The following RIMBP2 variants were observed in gnomAD, a reference collection of about 807,000 sequenced individuals.
RIMBP2 encodes the protein RIMS-binding protein 2.
A neutral mutation model predicts 118.6 loss-of-function variants in RIMBP2; 48 were observed. That is an observed-to-expected ratio of 0.40 (90% CI 0.32 to 0.51). The LOEUF (loss-of-function observed/expected upper bound fraction) is 0.51. Ranked by LOEUF, RIMBP2 falls within the 20% of genes least tolerant of loss-of-function variation. The pLI is 0.41. For synonymous variants in RIMBP2, 762 were observed against 742.9 expected (o/e 1.03, Z -0.42); for missense variants, 1,551 against 1,768.3 (o/e 0.88, Z 2.20).
intron 1 of RIMBP2, among the ~76,000 whole-genome samples, chr12:130,684,562 G>C (rs2136587680): frequency 6.6e-6 from 1 of 152,272 alleles, no homozygotes; most frequent in East Asian, 1.9e-4. Context: ...GGTGTTTCCA[G>C]GCTGTAGATG....
chr12:130,593,929 C>T (rs891143493), intron 2 of RIMBP2, among the ~76,000 whole-genome samples: 2 of 152,332 alleles, frequency 1.3e-5, no homozygotes, highest in African/African-American at 2.4e-5. Flanking sequence ...ATGAGGTTCT[C>T]TTCTGGTGGT....
chr12:130,405,743 T>G (rs60237531), intron 21 of RIMBP2, among the ~76,000 whole-genome samples: 14,860 of 148,646 alleles, frequency 0.1, 1,030 homozygotes, highest in African/African-American at 0.19. Context: ...AAGGGAGAAG[T>G]CCTAAAATCT....
At chr12:130,552,081 C>CATCT (rs766292519) in intron 2 of RIMBP2, among the ~76,000 whole-genome samples, 15 of 152,234 alleles carry the variant, frequency 9.9e-5, no homozygotes, top group Non-Finnish European at 1.5e-4. Flanking sequence ...ACTGCTTTAA[C>CATCT]ATCTATAAGA....
chr12:130,651,866 T>G (rs2136277904), intron 1 of RIMBP2, among the ~76,000 whole-genome samples: 1 of 151,278 alleles, frequency 6.6e-6, no homozygotes, highest in South Asian at 2.1e-4. Flanking sequence ...ATTATAGCTT[T>G]TGGAAAGCTT....
In RIMBP2 at chr12:130,648,086, G is replaced by C. The variant is rs149514497; in HGVS notation, c.-351-19630C>G. Among the ~76,000 whole-genome samples, 98 of 130,670 alleles carry C rather than the reference G, an allele frequency of 7.5e-4. 8 individuals are homozygous for C. Among genetic ancestry groups the C allele is most frequent in the African/African-American group, 2.4e-3 (96 of 39,866 alleles). 85.7% of individuals were successfully genotyped at this position (130,670 alleles called of 152,430 possible). A position where few individuals can be genotyped will look rare whatever the true frequency, so the allele number is the denominator to read the frequency against. ...AGCCAAAGGGCATGTCAGGAGTCAC[G>C]CGCTGATCATCACCGAGCAGATACA... is the stretch of plus-strand genomic sequence containing the variant. On this transcript the variant is annotated intron_variant, in intron 1 of 22. Transcript: ENST00000690449.
intron 1 of RIMBP2, among the ~76,000 whole-genome samples, chr12:130,696,092 G>A (rs2065559266): frequency 6.6e-6 from 1 of 152,204 alleles, no homozygotes; most frequent in African/African-American, 2.4e-5. Context: ...TCCAGGAGCT[G>A]CAGAAGGTAC....
At chr12:130,572,300 C>T (rs923532739) in intron 2 of RIMBP2, among the ~76,000 whole-genome samples, 7 of 152,198 alleles carry the variant, frequency 4.6e-5, no homozygotes, top group Non-Finnish European at 8.8e-5. Flanking sequence ...CCTTTGAAGA[C>T]CCAGGCGCTC....
At chr12:130,594,986 C>T (rs181703444) in intron 2 of RIMBP2, among the ~76,000 whole-genome samples, 62 of 152,336 alleles carry the variant, frequency 4.1e-4, no homozygotes, top group African/African-American at 1.5e-3. Flanking sequence ...TAAACTTCTA[C>T]ACCCTATCAG....
At chr12:130,535,069 C>A (rs1044626598) in intron 2 of RIMBP2, among the ~76,000 whole-genome samples, 2 of 152,214 alleles carry the variant, frequency 1.3e-5, no homozygotes, top group African/African-American at 2.4e-5. Context: ...AGCAAGCTCA[C>A]GTCAGACCTT....
At chr12:130,696,588 C>T (rs998419627) in intron 1 of RIMBP2, among the ~76,000 whole-genome samples, 2 of 152,176 alleles carry the variant, frequency 1.3e-5, no homozygotes, top group African/African-American at 4.8e-5. Flanking sequence ...CATTTTGAGC[C>T]AGAGGTTCAC....
At chr12:130,618,862 G>A (rs1305136669) in intron 2 of RIMBP2, among the ~76,000 whole-genome samples, 1 of 152,204 alleles carries the variant, frequency 6.6e-6, no homozygotes, top group East Asian at 1.9e-4. Context: ...AATAGTGCAA[G>A]CCTCAGCCCA....
chr12:130,510,612 G>A (rs905154746), intron 3 of RIMBP2, among the ~76,000 whole-genome samples: 1 of 152,080 alleles, frequency 6.6e-6, no homozygotes, highest in Non-Finnish European at 1.5e-5. Context: ...GGGGTTACAG[G>A]TGCACACCAC....
intron 2 of RIMBP2, among the ~76,000 whole-genome samples, chr12:130,524,041 C>T (rs1165156039): frequency 1.3e-5 from 2 of 152,140 alleles, no homozygotes; most frequent in Admixed American, 6.5e-5. Flanking sequence ...CAGCAAGATG[C>T]TTCCTCGCAG....
intron 2 of RIMBP2, among the ~76,000 whole-genome samples, chr12:130,580,028 CAAAAAAAAA>C (rs55653381): frequency 1.7e-5 from 2 of 116,498 alleles, no homozygotes; most frequent in South Asian, 3.0e-4. Context: ...ACCAAAAATA[CAAAAAAAAA>C]AAAAAAAAAA....
intron 10 of RIMBP2, among the ~76,000 whole-genome samples, chr12:130,443,089 G>T (rs1431806258): frequency 6.6e-6 from 1 of 152,102 alleles, no homozygotes; most frequent in East Asian, 1.9e-4. Context: ...TGGAGATTAA[G>T]AAAATAAACA....
chr12:130,512,612 C>A (rs10848123), intron 3 of RIMBP2, among the ~76,000 whole-genome samples: 1 of 151,954 alleles, frequency 6.6e-6, no homozygotes, highest in African/African-American at 2.4e-5. Flanking sequence ...CGTGAGCCAC[C>A]GCACCCGGCC....
chr12:130,708,213 T>C (rs919813508), intron 1 of RIMBP2, among the ~76,000 whole-genome samples: 1 of 152,280 alleles, frequency 6.6e-6, no homozygotes, highest in African/African-American at 2.4e-5. Context: ...AGATTCGCAG[T>C]TGCCAGGGCT....
At chr12:130,532,174 G>A (rs2053480513) in intron 2 of RIMBP2, among the ~76,000 whole-genome samples, 1 of 148,670 alleles carries the variant, frequency 6.7e-6, no homozygotes, top group Non-Finnish European at 1.5e-5. Context: ...TAGCCTCTAG[G>A]AGGTACGTCT....
At chr12:130,531,438 T>A (rs1364153421) in intron 2 of RIMBP2, among the ~76,000 whole-genome samples, 1 of 152,256 alleles carries the variant, frequency 6.6e-6, no homozygotes, top group African/African-American at 2.4e-5. Flanking sequence ...AAATATAGAT[T>A]TTTAATGTCT....
Sources: gnomAD v4.1 joint callset for allele counts (sites outside exome capture counted in the v4.1 genomes callset) on GRCh38, gnomAD v4.1.1 for gene constraint, MANE v1.5 for transcripts, NCBI Gene and HGNC (gene_info 2026-07-23, HGNC 2026-07-21) for gene names.